Variants in CNTNAP5 observed in about 807,000 individuals in gnomAD.
CNTNAP5 encodes the protein contactin-associated protein-like 5.
Under a neutral mutation model 150.2 loss-of-function variants are expected in CNTNAP5, and 72 were observed. The observed-to-expected ratio is 0.48, with a 90% CI of 0.40 to 0.58. CNTNAP5 has a LOEUF of 0.58. CNTNAP5 is among the 20% of genes least tolerant of loss of function. The pLI is 0.00. For synonymous variants in CNTNAP5, 672 were observed against 619.8 expected (o/e 1.08, Z -1.25); for missense variants, 1,636 against 1,626.2 (o/e 1.01, Z -0.10).
At chr2:124,774,560 A>G (rs1331180637) in intron 17 of CNTNAP5, among the ~76,000 whole-genome samples, 9 of 152,208 alleles carry the variant, frequency 5.9e-5, no homozygotes, top group Admixed American at 5.9e-4. Flanking sequence ...CTATTAAAAT[A>G]TTTTAAAAAT....
chr2:124,607,141 G>C (rs1439685679), intron 11 of CNTNAP5, among the ~76,000 whole-genome samples: 1 of 152,106 alleles, frequency 6.6e-6, no homozygotes, highest in Non-Finnish European at 1.5e-5. Context: ...TGTAATGAAG[G>C]ATTCTAAAAC....
chr2:124,046,151 T>C (rs944873750), intron 1 of CNTNAP5, among the ~76,000 whole-genome samples: 7 of 152,088 alleles, frequency 4.6e-5, no homozygotes, highest in Admixed American at 4.6e-4. Flanking sequence ...TGCCCTTTTC[T>C]AGCACCTGAC....
intron 19 of CNTNAP5, among the ~76,000 whole-genome samples, chr2:124,813,355 G>A (rs1233915261): frequency 6.7e-6 from 1 of 148,712 alleles, no homozygotes; most frequent in Non-Finnish European, 1.5e-5. Context: ...GGGATTACAG[G>A]CATGAGCCAC....
intron 13 of CNTNAP5, among the ~76,000 whole-genome samples, chr2:124,717,014 A>G (rs1558748598): frequency 6.6e-6 from 1 of 152,118 alleles, no homozygotes; most frequent in Non-Finnish European, 1.5e-5. Flanking sequence ...CTTGAATATC[A>G]TTCTTAATCT....
intron 5 of CNTNAP5, among the ~76,000 whole-genome samples, chr2:124,441,856 C>CATATAT (rs144122316): frequency 8.2e-5 from 12 of 145,472 alleles, no homozygotes; most frequent in African/African-American, 2.8e-4. Flanking sequence ...TATCTTTGGG[C>CATATAT]ATATATATAT....
intron 10 of CNTNAP5, among the ~76,000 whole-genome samples, chr2:124,558,410 G>A (rs570532188): frequency 4.8e-5 from 1 of 20,976 alleles, no homozygotes; most frequent in South Asian, 1.5e-3. Flanking sequence ...GTGGGGGCAG[G>A]GTGAAGGAGG....
At chr2:124,096,684 C>CTTCTTTTA (rs1682941123) in intron 1 of CNTNAP5, among the ~76,000 whole-genome samples, 1 of 151,508 alleles carries the variant, frequency 6.6e-6, no homozygotes. Context: ...GAAGCCAAAT[C>CTTCTTTTA]TTCTTTTATT....
chr2:124,728,068 G>T (rs781630475), intron 13 of CNTNAP5, among the ~76,000 whole-genome samples: 1 of 151,952 alleles, frequency 6.6e-6, no homozygotes. Flanking sequence ...TGATAAAAAG[G>T]TTTTCATTCT....
At chr2:124,178,169 T>C (rs1685115112) in intron 1 of CNTNAP5, among the ~76,000 whole-genome samples, 1 of 152,148 alleles carries the variant, frequency 6.6e-6, no homozygotes, top group Admixed American at 6.6e-5. Context: ...TTTTATTGTT[T>C]GTGTTCTTCA....
At chr2:124,446,464 A>G (rs1692820003) in intron 5 of CNTNAP5, among the ~76,000 whole-genome samples, 1 of 152,140 alleles carries the variant, frequency 6.6e-6, no homozygotes, top group African/African-American at 2.4e-5. Flanking sequence ...CCCATTTTCA[A>G]TCATATTTAT....
chr2:124,298,452 AGC>A (rs1348627256), intron 3 of CNTNAP5, among the ~76,000 whole-genome samples: 1 of 152,178 alleles, frequency 6.6e-6, no homozygotes, highest in Admixed American at 6.5e-5. Flanking sequence ...ATACCTTCTA[AGC>A]TATATATCTA....
intron 8 of CNTNAP5, among the ~76,000 whole-genome samples, chr2:124,506,191 G>GA (rs541248963): frequency 0.031 from 3,985 of 129,260 alleles, 144 homozygotes; most frequent in South Asian, 0.084. Context: ...GACTTTTAAA[G>GA]AAAAAAAAAA....
At chr2:124,576,260 G>A (rs1696281491) in intron 11 of CNTNAP5, among the ~76,000 whole-genome samples, 1 of 152,070 alleles carries the variant, frequency 6.6e-6, no homozygotes, top group African/African-American at 2.4e-5. Context: ...GTTAACGGAG[G>A]AGTTGTCAAA....
At chr2:124,413,927 A>G (rs1185347061) in intron 3 of CNTNAP5, among the ~76,000 whole-genome samples, 2 of 151,890 alleles carry the variant, frequency 1.3e-5, no homozygotes, top group African/African-American at 4.8e-5. Context: ...TTCGGAGAAT[A>G]GCCTTAACCT....
chr2:124,668,329 C>T (rs1678742700), intron 13 of CNTNAP5, among the ~76,000 whole-genome samples: 1 of 152,166 alleles, frequency 6.6e-6, no homozygotes, highest in South Asian at 2.1e-4. Flanking sequence ...GGCAGAGAAG[C>T]TGAGAGATCT....
At chr2:124,709,216 GGTGTGTGTGTGTGTGCGTGT>G in intron 13 of CNTNAP5, among the ~76,000 whole-genome samples, 1 of 138,706 alleles carries the variant, frequency 7.2e-6, no homozygotes, top group African/African-American at 2.7e-5. Flanking sequence ...GGGGAGGGAG[GGTGTGTGTGTGTGTGCGTGT>G]GTGTGTGTGT....
At chr2:124,166,482 T>C (rs528440777) in intron 1 of CNTNAP5, among the ~76,000 whole-genome samples, 1 of 152,300 alleles carries the variant, frequency 6.6e-6, no homozygotes, top group South Asian at 2.1e-4. Flanking sequence ...TCTCTAACTG[T>C]CAGATCAGCT....
At chr2:124,324,057 T>G (rs771854380) in intron 3 of CNTNAP5, among the ~76,000 whole-genome samples, 5 of 152,172 alleles carry the variant, frequency 3.3e-5, no homozygotes, top group Non-Finnish European at 7.3e-5. Flanking sequence ...TAATATTCAT[T>G]AATTTGCTTG....
chr2:124,625,094 TC>T (rs1312124406), intron 12 of CNTNAP5, among the ~76,000 whole-genome samples: 4 of 152,090 alleles, frequency 2.6e-5, no homozygotes, highest in Admixed American at 6.6e-5. Context: ...AGAGAAAGCC[TC>T]CTGTGTCCAA....
Sources: allele counts gnomAD v4.1 joint callset (sites outside exome capture counted in the v4.1 genomes callset), GRCh38; gene constraint gnomAD v4.1.1; transcripts MANE v1.5; gene names NCBI Gene and HGNC (gene_info 2026-07-23, HGNC 2026-07-21).